The following CCDC7 variants were observed in gnomAD, a reference collection of about 807,000 sequenced individuals.
CCDC7 encodes coiled-coil domain-containing protein 7.
CCDC7 carries 183 observed loss-of-function variants against 196.9 expected under a neutral mutation model. That is an observed-to-expected ratio of 0.93 (90% CI 0.82 to 1.05). The LOEUF is 1.05. Among genes scored for constraint, CCDC7 ranks in the 50% least tolerant of loss-of-function variants. The pLI, the probability that CCDC7 is intolerant of heterozygous loss-of-function variation, is 0.00. For missense variants in CCDC7, 1,540 were observed against 1,482.2 expected (o/e 1.04, Z -0.64); for synonymous variants, 525 against 484.6 (o/e 1.08, Z -1.10).
chr10:32,726,493 A>G (rs1030686603), intron 25 of CCDC7, among the ~76,000 whole-genome samples: 3 of 152,074 alleles, frequency 2.0e-5, no homozygotes, highest in Admixed American at 1.3e-4. Context: ...ACCAATAGAA[A>G]ATATATTTGA....
At chr10:32,796,002 G>A (rs1241615894) in intron 29 of CCDC7, among the ~76,000 whole-genome samples, 1 of 152,174 alleles carries the variant, frequency 6.6e-6, no homozygotes, top group Non-Finnish European at 1.5e-5. Context: ...AGTAGCCACT[G>A]ATTTGACATC....
chr10:32,482,353 T>A (rs3123648), intron 8 of CCDC7, among the ~76,000 whole-genome samples: 60,234 of 150,964 alleles, frequency 0.4, 14,264 homozygotes, highest in Non-Finnish European at 0.55. Context: ...CTTTTTATTC[T>A]TTATTCTTTT....
At chr10:32,500,099 T>C (rs2134866659) in intron 9 of CCDC7, among the ~76,000 whole-genome samples, 1 of 152,308 alleles carries the variant, frequency 6.6e-6, no homozygotes, top group East Asian at 1.9e-4. Context: ...CATGGCCCGT[T>C]CTCCATGAGC....
At position 32,819,193 on chromosome 10, in the gene CCDC7, A is replaced by G. The variant is rs191861986; in HGVS notation, c.3181+4740A>G. 1.8e-3 allele frequency among the ~76,000 whole-genome samples: 276 copies of G among 152,250 alleles called. 1 individual carries two copies. The highest frequency in any genetic ancestry group is 6.4e-3 in the African/African-American group (267 of 41,574). On this transcript the variant is annotated intron_variant, in intron 31 of 41. Transcript: ENST00000639629. Reference sequence around the variant, plus strand: ...CAGAGAATACTATAAACACCTCTACACAAATAAACTAGAAAATCTAGAAGA... The same window carrying G: ...CAGAGAATACTATAAACACCTCTACGCAAATAAACTAGAAAATCTAGAAGA...
Position 32,610,836 on chromosome 10 carries a change from G to A in CCDC7, c.1802-23418G>A, listed in dbSNP as rs183888936. Among the ~76,000 whole-genome samples, 1,032 of 152,252 alleles carry A rather than the reference G, an allele frequency of 6.8e-3. 2 individuals carry two copies. Among genetic ancestry groups the A allele is most frequent in the Non-Finnish European group, 0.012 (810 of 68,012 alleles). Reference sequence around the variant, plus strand: ...CCAGTCTATCATTGATGGGCATTTTGGTTGGTTCCAAGTCTTTGCTATTGT... The same window carrying A: ...CCAGTCTATCATTGATGGGCATTTTAGTTGGTTCCAAGTCTTTGCTATTGT... On this transcript the variant is annotated intron_variant, in intron 18 of 41. Coordinates refer to ENST00000639629, the Ensembl canonical transcript of CCDC7.
intron 28 of CCDC7, among the ~76,000 whole-genome samples, chr10:32,761,140 T>G (rs1258138695): frequency 1.3e-5 from 2 of 152,034 alleles, no homozygotes; most frequent in African/African-American, 2.4e-5. Flanking sequence ...AAACAGACTT[T>G]AAACTAATAC....
chr10:32,511,636 C>T (rs117277917), intron 9 of CCDC7: 80 of 1,580,528 alleles, frequency 5.1e-5, no homozygotes, highest in Non-Finnish European at 6.1e-5. Context: ...AAACAGACAT[C>T]GTGGTCTTCA....
At chr10:32,532,149 C>CT (rs950130178) in intron 11 of CCDC7, among the ~76,000 whole-genome samples, 19 of 152,092 alleles carry the variant, frequency 1.2e-4, no homozygotes, top group Admixed American at 1.2e-3. Context: ...AGTCTTTCTA[C>CT]TTTTTTCCTT....
rs535609698 is a variant in CCDC7 at position 32,795,275 on chromosome 10, C to T, written c.3014-9740C>T. Among the ~76,000 whole-genome samples the T allele has an allele frequency of 4.6e-5, 7 of 152,152 alleles. No individual in the cohort carries two copies. The East Asian group carries it at 1.4e-3, about 29-fold the overall frequency. ...TCGTTCCATGTCATTCTTTGTTCTT[C>T]CCCCCTTCACTCTGTATTTTCAATT... On this transcript the variant is annotated intron_variant, in intron 29 of 41. Transcript: ENST00000639629.
At chr10:32,647,396 C>G (rs574300883) in intron 20 of CCDC7, among the ~76,000 whole-genome samples, 49 of 136,448 alleles carry the variant, frequency 3.6e-4, no homozygotes, top group African/African-American at 1.2e-3. Flanking sequence ...GTAATCCCAG[C>G]TACCTGGGAG....
chr10:32,839,179 A>G (rs565840082), intron 33 of CCDC7, among the ~76,000 whole-genome samples: 1 of 151,982 alleles, frequency 6.6e-6, no homozygotes, highest in Non-Finnish European at 1.5e-5. Context: ...TGCTGCACTT[A>G]AAAGATACAG....
chr10:32,489,313 A>G (rs1434603893), intron 8 of CCDC7, among the ~76,000 whole-genome samples: 1 of 152,180 alleles, frequency 6.6e-6, no homozygotes, highest in East Asian at 1.9e-4. Flanking sequence ...GGTGTCTAGA[A>G]TGCAGGCACT....
At chr10:32,736,758 T>C (rs1031485139) in intron 28 of CCDC7, among the ~76,000 whole-genome samples, 1 of 152,222 alleles carries the variant, frequency 6.6e-6, no homozygotes, top group Non-Finnish European at 1.5e-5. Flanking sequence ...TTTTGTATAT[T>C]AACCTTGTAT....
chr10:32,812,095 C>G (rs1158096504), intron 30 of CCDC7, among the ~76,000 whole-genome samples: 1 of 152,078 alleles, frequency 6.6e-6, no homozygotes, highest in Non-Finnish European at 1.5e-5. Context: ...GACAGACCCA[C>G]AGCTAACATC....
chr10:32,778,213 T>G (rs1167201133), intron 28 of CCDC7, among the ~76,000 whole-genome samples: 1 of 152,214 alleles, frequency 6.6e-6, no homozygotes, highest in Non-Finnish European at 1.5e-5. Context: ...TCAATTTCTG[T>G]TTTTATTGCA....
chr10:32,810,750 T>G (rs2086900998), intron 30 of CCDC7, among the ~76,000 whole-genome samples: 1 of 152,156 alleles, frequency 6.6e-6, no homozygotes, highest in Non-Finnish European at 1.5e-5. Flanking sequence ...TTCTCCAGGT[T>G]AGACCATATG....
intron 30 of CCDC7, 71 bp from the exon 32 acceptor site, chr10:32,814,299 T>G: frequency 9.6e-7 from 1 of 1,039,138 alleles, no homozygotes; most frequent in Non-Finnish European, 1.5e-6. Context: ...TATATGTACA[T>G]GCACTCACAC....
Position 32,696,552 on chromosome 10 carries a change from G to A in CCDC7, c.2458+1560G>A, listed in dbSNP as rs1443104883. On this transcript the variant is annotated intron_variant, in intron 24 of 41. Coordinates refer to ENST00000639629, the Ensembl canonical transcript of CCDC7. Reference sequence around the variant, plus strand: ...TCTCTAATTCATTTCAAAATTCAATGGTAGAAGAGGAGAGCAGCATTTGTA... The same window carrying A: ...TCTCTAATTCATTTCAAAATTCAATAGTAGAAGAGGAGAGCAGCATTTGTA... Among the ~76,000 whole-genome samples, 4 of 151,842 alleles carry A rather than the reference G, an allele frequency of 2.6e-5. No homozygotes were observed. In the East Asian group the frequency reaches 7.7e-4, roughly 29 times the overall value.
intron 28 of CCDC7, among the ~76,000 whole-genome samples, chr10:32,758,713 T>G (rs975322077): frequency 6.6e-6 from 1 of 152,054 alleles, no homozygotes; most frequent in South Asian, 2.1e-4. Flanking sequence ...CTTTCACCAC[T>G]CCTATTCAAC....
Sources: gnomAD v4.1 joint callset for allele counts (sites outside exome capture counted in the v4.1 genomes callset) on GRCh38, gnomAD v4.1.1 for gene constraint, MANE v1.5 for transcripts, NCBI Gene and HGNC (gene_info 2026-07-23, HGNC 2026-07-21) for gene names.